STAT4: variants seen among roughly 807,000 people sequenced by gnomAD.
The protein encoded by STAT4 is signal transducer and activator of transcription 4.
In STAT4, 42 loss-of-function variants were observed where a neutral mutation model predicts 110.5. The observed-to-expected ratio is 0.38, with a 90% CI of 0.30 to 0.49. The LOEUF is 0.49. STAT4 is among the 20% of genes least tolerant of loss of function. STAT4 has a pLI of 0.95. For missense variants in STAT4, 632 were observed against 887.9 expected, an observed-to-expected ratio of 0.71 and a Z score of 3.66; for synonymous variants, 284 against 302.2, an observed-to-expected ratio of 0.94 and a Z score of 0.63.
intron 14 of STAT4, chr2:191,041,402 GT>G (rs1205245103): frequency 2.2e-5 from 4 of 179,470 alleles, no homozygotes; most frequent in Non-Finnish European, 4.6e-5. Context: ...TTCTGGCATA[GT>G]TTTTTTTCAG....
At position 191,033,157 on chromosome 2, in the gene STAT4, A is replaced by G; in HGVS notation, c.1853-8T>C. On this transcript the variant is annotated splice_polypyrimidine_tract_variant and splice_region_variant and intron_variant, in intron 20 of 23. Transcript: ENST00000392320. This position sits in a 1 kb window ranked among gnomAD's most constrained non-coding sequence, Gnocchi z 6.9. ...AGTGGAATCTCACTTCCCCTTGAAA[A>G]ACAGAAATTGGAGAAATATACAGGT... 1 of 1,611,488 alleles carries G rather than the reference A, an allele frequency of 6.2e-7. No homozygotes were observed. Among genetic ancestry groups the G allele is most frequent in the Non-Finnish European group, 8.5e-7 (1 of 1,179,088 alleles).
chr2:191,101,084 T>C (rs181922937), intron 3 of STAT4, among the ~76,000 whole-genome samples: 2 of 152,216 alleles, frequency 1.3e-5, no homozygotes, highest in Admixed American at 1.3e-4. Flanking sequence ...GAGAAACAAG[T>C]GGGATGTTCA....
At chr2:191,071,524 AGT>A (rs1324714997) in intron 5 of STAT4, among the ~76,000 whole-genome samples, 2 of 152,226 alleles carry the variant, frequency 1.3e-5, no homozygotes, top group African/African-American at 4.8e-5. Flanking sequence ...TCTAATGAAA[AGT>A]GTATTAAACC....
chr2:191,150,909 T>A lies in STAT4; in HGVS notation c.-2+38A>T, dbSNP rs565015083. 6 of 984,988 alleles carry A rather than the reference T, an allele frequency of 6.1e-6. No individual in the cohort carries two copies. The Admixed American group carries it at 3.1e-4, about 50-fold the overall frequency. 61.0% of individuals were successfully genotyped at this position (984,988 alleles called of 1,614,324 possible). On this transcript the variant is annotated intron_variant, in intron 1 of 23. Transcript: ENST00000392320. The surrounding 1 kb of genome is among the most constrained non-coding windows in gnomAD (Gnocchi z 6.4). Reference sequence around the variant, plus strand: ...TCCTGCATAATAAGCATGTCCTCCTTACAAGAGGCAGCCAGAAGGTGTGGT... The same window carrying A: ...TCCTGCATAATAAGCATGTCCTCCTAACAAGAGGCAGCCAGAAGGTGTGGT...
chr2:191,105,876 A>G (rs1698264978), intron 3 of STAT4, among the ~76,000 whole-genome samples: 1 of 152,140 alleles, frequency 6.6e-6, no homozygotes, highest in South Asian at 2.1e-4. Context: ...ATCCTCGCCG[A>G]TGGATATGAA....
At chr2:191,119,785 G>C (rs1394140226) in intron 3 of STAT4, among the ~76,000 whole-genome samples, 1 of 152,114 alleles carries the variant, frequency 6.6e-6, no homozygotes, top group Non-Finnish European at 1.5e-5. Flanking sequence ...CAAATCTATG[G>C]TAGTTATCTA....
Position 191,062,890 on chromosome 2 carries a change from T to G in STAT4, c.813A>C (p.Gln271His). 3 of 1,613,818 alleles carry G rather than the reference T, an allele frequency of 1.9e-6. No homozygotes were observed. The highest frequency in any genetic ancestry group is 2.5e-6 in the Non-Finnish European group (3 of 1,179,860). Residue 271 changes from glutamine to histidine, a missense_variant, in exon 9 of 24, where the codon CAA (glutamine) becomes CAC (histidine). Gln to His is a conservative substitution (Grantham distance 24). This residue lies in a region of STAT4 where 488 missense variants were observed against 632.8 expected (regional missense o/e 0.77). Coordinates refer to ENST00000392320, the MANE Select transcript of STAT4 (RefSeq NM_003151.4). This position sits in a 1 kb window ranked among gnomAD's most constrained non-coding sequence, Gnocchi z 4.9. ...CFTLLAESLF[Q>H]LRRQLEKLEE... ...CTAGTTTCTCCAATTGCCTTCTCAG[T>G]TGGAAAAGACTTTCTGCCAATAGTG...
chr2:191,033,656 G>T lies in STAT4; in HGVS notation c.1716-30C>A. 1 of 1,602,454 alleles carries T rather than the reference G, an allele frequency of 6.2e-7. No homozygotes were observed. The highest frequency in any genetic ancestry group is 8.5e-7 in the Non-Finnish European group (1 of 1,175,880). ...AAATAGAACATGCATTATTTCATCTGATCATTATTGGATTTTCACTTATTG... is the reference window on the plus strand; with the variant it reads ...AAATAGAACATGCATTATTTCATCTTATCATTATTGGATTTTCACTTATTG... On this transcript the variant is annotated intron_variant, in intron 19 of 23. Coordinates refer to ENST00000392320, the MANE Select transcript of STAT4 (RefSeq NM_003151.4). This position sits in a 1 kb window ranked among gnomAD's most constrained non-coding sequence, Gnocchi z 6.9.
chr2:191,122,840 C>T (rs1574177821), intron 3 of STAT4, among the ~76,000 whole-genome samples: 1 of 152,098 alleles, frequency 6.6e-6, no homozygotes, highest in South Asian at 2.1e-4. Context: ...TAGTGGTTAC[C>T]TTTGTGACTG....
Position 191,104,402 on chromosome 2 carries a change from T to C in STAT4, c.274-28077A>G, listed in dbSNP as rs947668496. 6.6e-6 allele frequency among the ~76,000 whole-genome samples: 1 copy of C among 152,174 alleles called. No homozygotes were observed. Among genetic ancestry groups the C allele is most frequent in the Non-Finnish European group, 1.5e-5 (1 of 68,014 alleles). The stretch of plus-strand genomic sequence containing the variant: ...TCTAGGAGAAGATGAGGTAATATTG[T>C]AGATAAAAAGCTTTAGAATCAGTGT... On this transcript the variant is annotated intron_variant, in intron 3 of 23. Transcript: ENST00000392320. This position sits in a 1 kb window ranked among gnomAD's most constrained non-coding sequence, Gnocchi z 4.3.
chr2:191,102,009 CTT>C (rs35442023), intron 3 of STAT4, among the ~76,000 whole-genome samples: 17 of 141,068 alleles, frequency 1.2e-4, no homozygotes, highest in Admixed American at 2.1e-4. Context: ...TTTGCCCAAC[CTT>C]TTTTTTTTTT....
chr2:191,037,263 C>A lies in STAT4; in HGVS notation c.1435-964G>T, dbSNP rs893777273. On this transcript the variant is annotated intron_variant, in intron 16 of 23. Coordinates refer to ENST00000392320, the MANE Select transcript of STAT4 (RefSeq NM_003151.4). This position sits in a 1 kb window ranked among gnomAD's most constrained non-coding sequence, Gnocchi z 4.8. ...GGTGACCCTACAATATTATGATTAA[C>A]CTCAAATACCTATTTTATGGACACC... is the stretch of plus-strand genomic sequence containing the variant. 1.3e-5 allele frequency among the ~76,000 whole-genome samples: 2 copies of A among 152,062 alleles called. No homozygotes were observed. Among genetic ancestry groups the A allele is most frequent in the African/African-American group, 4.8e-5 (2 of 41,404 alleles).
chr2:191,029,888 A>T lies in STAT4; in HGVS notation c.2221-22T>A. ...TCATCTAAAATTAAAAATGAAAATA[A>T]TCTTTGAGGAAACTACTGGTTTTCA... On this transcript the variant is annotated intron_variant, in intron 23 of 23. Coordinates refer to ENST00000392320, the MANE Select transcript of STAT4 (RefSeq NM_003151.4). This position sits in a 1 kb window ranked among gnomAD's most constrained non-coding sequence, Gnocchi z 4.5. 6.4e-7 allele frequency: 1 copy of T among 1,572,876 alleles called. No homozygotes were observed. Among genetic ancestry groups the T allele is most frequent in the Non-Finnish European group, 8.7e-7 (1 of 1,155,742 alleles).
In STAT4 at chr2:191,104,477, TGAA is replaced by T. The variant is rs201844214; in HGVS notation, c.274-28155_274-28153del. 0.011 allele frequency among the ~76,000 whole-genome samples: 1,708 copies of T among 152,312 alleles called. 18 individuals carry two copies. The highest frequency in any genetic ancestry group is 0.024 in the Middle Eastern group (7 of 294). On this transcript the variant is annotated intron_variant, in intron 3 of 23. Transcript: ENST00000392320. This position sits in a 1 kb window ranked among gnomAD's most constrained non-coding sequence, Gnocchi z 4.3. The stretch of plus-strand genomic sequence containing the variant: ...ATATTAAATTCACAATAGGCATATG[TGAA>T]GAAGATTTTGCCACACAGACTCACA...
chr2:191,108,013 G>A (rs1273324795), intron 3 of STAT4, among the ~76,000 whole-genome samples: 6 of 151,944 alleles, frequency 3.9e-5, no homozygotes, highest in Non-Finnish European at 7.4e-5. Flanking sequence ...ATTGTTGGCC[G>A]GGTGCGGGGG....
At chr2:191,124,894 T>C (rs2125400857) in intron 3 of STAT4, among the ~76,000 whole-genome samples, 1 of 152,322 alleles carries the variant, frequency 6.6e-6, no homozygotes, top group South Asian at 2.1e-4. Flanking sequence ...ACTATGACAA[T>C]AATGTTCAAA....
chr2:191,052,692 TC>T (rs1199513908), intron 14 of STAT4, among the ~76,000 whole-genome samples: 1 of 151,170 alleles, frequency 6.6e-6, no homozygotes, highest in Non-Finnish European at 1.5e-5. Flanking sequence ...CTTAGTCTGT[TC>T]AGATTCATAA....
rs998455229 is a variant in STAT4 at position 191,033,987 on chromosome 2, A to G, written c.1639T>C (p.Ser547Pro). The G allele has an allele frequency of 5.6e-6, 9 of 1,609,688 alleles. No individual in the cohort carries two copies. In the Admixed American group the frequency reaches 1.5e-4, roughly 27 times the overall value. Residue 547 changes from serine (S) to proline (P), a missense_variant, in exon 19 of 24, where the codon TCA becomes CCA. Physicochemically the swap from Ser to Pro is moderately conservative, Grantham distance 74 (BLOSUM62 -1). Coordinates refer to ENST00000392320, the MANE Select transcript of STAT4 (RefSeq NM_003151.4). The surrounding 1 kb of genome is among the most constrained non-coding windows in gnomAD (Gnocchi z 6.9). ...TCAAGCCATGTCCAAAAGGTAAATGATTTACCAGGTAAATGTTCCTACAGG... is the reference window on the plus strand; with the variant it reads ...TCAAGCCATGTCCAAAAGGTAAATGGTTTACCAGGTAAATGTTCCTACAGG... ...KFCKEHLPGK[S>P]FTFWTWLEAI...
chr2:191,103,227 T>G (rs981499165), intron 3 of STAT4, among the ~76,000 whole-genome samples: 6 of 152,184 alleles, frequency 3.9e-5, no homozygotes, highest in African/African-American at 1.4e-4. Flanking sequence ...ACGTGGAATT[T>G]TTTTAGGTCC....
Sources: gnomAD v4.1 joint callset for allele counts (sites outside exome capture counted in the v4.1 genomes callset) on GRCh38, gnomAD v4.1.1 for gene constraint, gnomAD v4.1.1 regional missense constraint, Gnocchi (gnomAD v3.1) non-coding constraint, MANE v1.5 for transcripts, NCBI Gene and HGNC (gene_info 2026-07-23, HGNC 2026-07-21) for gene names.